COL21A1: variants seen among roughly 807,000 people sequenced by gnomAD.
COL21A1 encodes collagen alpha-1(XXI) chain.
COL21A1 carries 149 observed loss-of-function variants against 137.9 expected under a neutral mutation model. The observed-to-expected ratio is 1.08, with a 90% CI of 0.95 to 1.24. The LOEUF (loss-of-function observed/expected upper bound fraction) is 1.24, where lower values mean the gene tolerates loss of function less well. Ranked by LOEUF, COL21A1 falls within the 50% of genes most tolerant of loss-of-function variation. The probability of loss-of-function intolerance (pLI) is 0.00; values close to 1 mark genes in which losing one functional copy is unlikely to be tolerated. For missense variants in COL21A1, 1,167 were observed against 1,158.4 expected, an observed-to-expected ratio of 1.01 and a Z score of -0.11; for synonymous variants, 456 against 391.5, an observed-to-expected ratio of 1.16 and a Z score of -1.95.
intron 1 of COL21A1, among the ~76,000 whole-genome samples, chr6:56,340,267 T>C (rs1562063808): frequency 6.6e-6 from 1 of 152,130 alleles, no homozygotes; most frequent in Non-Finnish European, 1.5e-5. Context: ...AAGGCTGTGG[T>C]CTTTCTCCTT....
chr6:56,070,000 T>A (rs546208194), intron 21 of COL21A1, among the ~76,000 whole-genome samples: 2 of 151,568 alleles, frequency 1.3e-5, no homozygotes, highest in African/African-American at 4.8e-5. Flanking sequence ...TCCATCATCC[T>A]ATAGGAATTG....
chr6:56,270,126 C>T (rs1448131095), intron 1 of COL21A1, among the ~76,000 whole-genome samples: 1 of 152,150 alleles, frequency 6.6e-6, no homozygotes, highest in African/African-American at 2.4e-5. Context: ...CATAGAGTGG[C>T]AAGCTAAATA....
intron 17 of COL21A1, chr6:56,078,178 T>A (rs1369246051): frequency 2.2e-6 from 1 of 455,888 alleles, no homozygotes; most frequent in Non-Finnish European, 4.4e-6. Flanking sequence ...GCTGAACTCA[T>A]ATGCACATGT....
chr6:56,075,350 A>G (rs1767128183), intron 19 of COL21A1, 129 bp downstream of exon 19: 1 of 671,554 alleles, frequency 1.5e-6, no homozygotes, highest in Admixed American at 3.7e-5. Flanking sequence ...AACAGAATGG[A>G]ATTCATGGAC....
chr6:56,269,052 T>C (rs1270353332), intron 1 of COL21A1, among the ~76,000 whole-genome samples: 1 of 152,058 alleles, frequency 6.6e-6, no homozygotes, highest in Admixed American at 6.5e-5. Context: ...TCAAATCAAC[T>C]CACATAAAAA....
chr6:56,179,727 G>A lies in COL21A1; in HGVS notation c.491C>T (p.Thr164Ile), dbSNP rs370731926. 4.5e-5 allele frequency: 72 copies of A among 1,613,890 alleles called. No homozygotes were observed. The highest frequency in any genetic ancestry group is 5.3e-5 in the Non-Finnish European group (63 of 1,179,856). ...AAQAARDSKI[T>I]LFAIGVGSET... is the part of the protein sequence containing the mutation. ...TGAACCAACACCAATAGCAAATAAT[G>A]TTATCTTACTATCTCTTGCTGCTTG... Residue 164 changes from threonine to isoleucine, a missense_variant, in exon 3 of 30, where the codon ACA (threonine) becomes ATA (isoleucine). Thr to Ile is a moderately conservative substitution (Grantham distance 89). Coordinates refer to ENST00000244728, the MANE Select transcript of COL21A1 (RefSeq NM_030820.4).
chr6:56,316,158 G>A (rs9396202), intron 1 of COL21A1, among the ~76,000 whole-genome samples: 126,514 of 152,188 alleles, frequency 0.83, 53,455 homozygotes, highest in South Asian at 0.98. Context: ...ACACTGTGAA[G>A]TGGCTAAATC....
chr6:56,345,470 A>C (rs1204743016), intron 1 of COL21A1, among the ~76,000 whole-genome samples: 3 of 152,236 alleles, frequency 2.0e-5, no homozygotes, highest in African/African-American at 7.2e-5. Context: ...TGAAAAATCA[A>C]GTAGCTTCTC....
At chr6:56,210,025 C>T (rs983282337) in intron 1 of COL21A1, among the ~76,000 whole-genome samples, 4 of 150,842 alleles carry the variant, frequency 2.7e-5, no homozygotes, top group African/African-American at 7.3e-5. Flanking sequence ...CCAAACACCA[C>T]GTGTTCTCAC....
intron 1 of COL21A1, among the ~76,000 whole-genome samples, chr6:56,295,684 T>C (rs1055531674): frequency 1.3e-5 from 2 of 151,986 alleles, no homozygotes; most frequent in Non-Finnish European, 2.9e-5. Context: ...CCTGTTTATT[T>C]CTTTTTGGAG....
chr6:56,327,369 A>G (rs938631464), intron 1 of COL21A1, among the ~76,000 whole-genome samples: 2 of 152,104 alleles, frequency 1.3e-5, no homozygotes, highest in African/African-American at 4.8e-5. Context: ...ATAAAATATT[A>G]TTCATTTAAA....
intron 1 of COL21A1, among the ~76,000 whole-genome samples, chr6:56,391,002 G>A (rs2094028670): frequency 6.6e-6 from 1 of 152,120 alleles, no homozygotes; most frequent in Non-Finnish European, 1.5e-5. Flanking sequence ...ATTTGATCCA[G>A]TACCTGCCAA....
At chr6:56,206,466 T>C (rs9396181) in intron 1 of COL21A1, among the ~76,000 whole-genome samples, 96,049 of 151,636 alleles carry the variant, frequency 0.63, 30,685 homozygotes, top group East Asian at 0.86. Context: ...ATGCAACTAA[T>C]ACAGGAGCAC....
In COL21A1 at chr6:56,121,510, G is replaced by GTA. The variant is rs1341719998; in HGVS notation, c.1758+2551_1758+2552insTA. On this transcript the variant is annotated intron_variant, in intron 16 of 29. Transcript: ENST00000244728. ...TATACATATATATGTATATTCATATGTGTATATATATATACATATACATAT... is the reference window on the plus strand; with the variant it reads ...TATACATATATATGTATATTCATATGTATGTATATATATATACATATACATAT... Among the ~76,000 whole-genome samples, 741 of 115,270 alleles carry GTA rather than the reference G, an allele frequency of 6.4e-3. 5 individuals carry two copies. Among genetic ancestry groups the GTA allele is most frequent in the African/African-American group, 0.022 (668 of 29,870 alleles). 75.6% of individuals were successfully genotyped at this position (115,270 alleles called of 152,430 possible). A position where few individuals can be genotyped will look rare whatever the true frequency, so the allele number is the denominator to read the frequency against.
At chr6:56,148,733 C>T (rs1775044802) in intron 10 of COL21A1, among the ~76,000 whole-genome samples, 1 of 152,142 alleles carries the variant, frequency 6.6e-6, no homozygotes, top group African/African-American at 2.4e-5. Context: ...GTGTACTCTG[C>T]AAGCCTAAGG....
intron 1 of COL21A1, among the ~76,000 whole-genome samples, chr6:56,381,466 C>T (rs1437287489): frequency 6.6e-6 from 1 of 152,160 alleles, no homozygotes; most frequent in Non-Finnish European, 1.5e-5. Context: ...TTCAAAGGAG[C>T]ACAATTAGAC....
At chr6:56,170,382 T>A (rs568225551) in intron 5 of COL21A1, among the ~76,000 whole-genome samples, 1 of 151,950 alleles carries the variant, frequency 6.6e-6, no homozygotes, top group Non-Finnish European at 1.5e-5. Flanking sequence ...GGTTTCTTTA[T>A]TGGATGGCTA....
At chr6:56,342,497 T>C (rs1684699737) in intron 1 of COL21A1, among the ~76,000 whole-genome samples, 1 of 152,226 alleles carries the variant, frequency 6.6e-6, no homozygotes, top group South Asian at 2.1e-4. Context: ...CTGAATTGTG[T>C]GCTGGCCTCA....
intron 17 of COL21A1, among the ~76,000 whole-genome samples, chr6:56,096,845 T>C (rs1769365440): frequency 6.6e-6 from 1 of 152,182 alleles, no homozygotes; most frequent in South Asian, 2.1e-4. Context: ...AGCCAAGTCA[T>C]TTATTACAAC....
Sources: allele counts gnomAD v4.1 joint callset (sites outside exome capture counted in the v4.1 genomes callset), GRCh38; gene constraint gnomAD v4.1.1; transcripts MANE v1.5; gene names NCBI Gene and HGNC (gene_info 2026-07-23, HGNC 2026-07-21).